Variants in SYNJ2 observed in about 807,000 individuals in gnomAD.
SYNJ2 encodes synaptojanin 2.
SYNJ2 carries 116 observed loss-of-function variants against 141.3 expected under a neutral mutation model. The observed-to-expected ratio is 0.82, with a 90% CI of 0.71 to 0.96. SYNJ2 has a LOEUF of 0.96. Ranked by LOEUF, SYNJ2 falls within the 40% of genes least tolerant of loss-of-function variation. The probability of loss-of-function intolerance (pLI) is 0.00; values close to 1 mark genes in which losing one functional copy is unlikely to be tolerated. For missense variants in SYNJ2, 1,873 were observed against 1,934.8 expected (o/e 0.97, Z 0.60); for synonymous variants, 745 against 777.7 (o/e 0.96, Z 0.70).
intron 1 of SYNJ2, among the ~76,000 whole-genome samples, chr6:157,993,283 T>G (rs1353987347): frequency 6.6e-6 from 1 of 152,232 alleles, no homozygotes; most frequent in Non-Finnish European, 1.5e-5. Context: ...TGACGATCAG[T>G]GATGTTGGGC....
In SYNJ2 at chr6:157,982,933, A is replaced by G. The variant is rs937738555; in HGVS notation, c.127+845A>G. On this transcript the variant is annotated intron_variant, in intron 1 of 26. Coordinates refer to ENST00000355585, the MANE Select transcript of SYNJ2 (RefSeq NM_003898.4). This position sits in a 1 kb window ranked among gnomAD's most constrained non-coding sequence, Gnocchi z 4.0. ...GGTCCCTTGTTTTGTGCTAACCATT[A>G]TAAGGAAAACCTGGGTAGCACCAAA... is the stretch of plus-strand genomic sequence containing the variant. Among the ~76,000 whole-genome samples, 1 of 152,152 alleles carries G rather than the reference A, an allele frequency of 6.6e-6. No individual in the cohort carries two copies. The highest frequency in any genetic ancestry group is 2.4e-5 in the African/African-American group (1 of 41,422).
At chr6:158,055,290 G>A (rs1780801569) in intron 6 of SYNJ2, among the ~76,000 whole-genome samples, 1 of 152,126 alleles carries the variant, frequency 6.6e-6, no homozygotes, top group Non-Finnish European at 1.5e-5. Context: ...CTTGCAATGA[G>A]GCTTCATCTC....
At chr6:158,021,496 C>T (rs1367727600) in intron 2 of SYNJ2, among the ~76,000 whole-genome samples, 1 of 152,148 alleles carries the variant, frequency 6.6e-6, no homozygotes, top group Non-Finnish European at 1.5e-5. Flanking sequence ...GGCCTGGGGA[C>T]GCTGCCACCA....
At chr6:158,087,855 G>A (rs1270968808) in intron 23 of SYNJ2, among the ~76,000 whole-genome samples, 5 of 139,328 alleles carry the variant, frequency 3.6e-5, no homozygotes, top group Non-Finnish European at 7.8e-5. Context: ...CCAGTTTCAT[G>A]TATCTGCAGC....
At position 158,076,719 on chromosome 6, in the gene SYNJ2, C is replaced by A; in HGVS notation, c.2386C>A (p.Arg796Ser). The A allele has an allele frequency of 6.2e-7, 1 of 1,614,192 alleles. No individual in the cohort carries two copies. Among genetic ancestry groups the A allele is most frequent in the Non-Finnish European group, 8.5e-7 (1 of 1,180,034 alleles). Residue 796 changes from arginine to serine, a missense_variant, in exon 17 of 27, where the codon CGC (arginine) becomes AGC (serine). Physicochemically the swap from Arg to Ser is moderately radical, Grantham distance 110. Coordinates refer to ENST00000355585, the MANE Select transcript of SYNJ2 (RefSeq NM_003898.4). ...CGCCTACGATACAAGCGACAAATGCCGCACCCCCGCCTGGACAGACAGGGT... is the reference window on the plus strand; with the variant it reads ...CGCCTACGATACAAGCGACAAATGCAGCACCCCCGCCTGGACAGACAGGGT... ...SAAYDTSDKC[R>S]TPAWTDRVLW... is the part of the protein sequence containing the mutation.
chr6:158,068,670 T>C lies in SYNJ2; in HGVS notation c.1741T>C (p.Phe581Leu). 1.2e-6 allele frequency: 2 copies of C among 1,614,182 alleles called. No individual in the cohort carries two copies. The highest frequency in any genetic ancestry group is 1.7e-6 in the Non-Finnish European group (2 of 1,180,030). The change falls in exon 13 of 27, where the codon TTT becomes CTT. Residue 581 changes from phenylalanine (F) to leucine (L), a missense_variant. Phe to Leu is a conservative substitution (Grantham distance 22). Coordinates refer to ENST00000355585, the MANE Select transcript of SYNJ2 (RefSeq NM_003898.4). ...SQDDSSPADI[F>L]AVGFEEMVEL... ...AGATGACAGCAGCCCAGCTGACATA[T>C]TTGCTGTGGGGTTTGAAGAGATGGT... is the stretch of plus-strand genomic sequence containing the variant.
At chr6:158,008,347 T>C (rs1778147429) in intron 1 of SYNJ2, among the ~76,000 whole-genome samples, 2 of 152,382 alleles carry the variant, frequency 1.3e-5, no homozygotes, top group East Asian at 1.9e-4. Context: ...AATAATGTGA[T>C]GCCTGGAATT....
intron 13 of SYNJ2, among the ~76,000 whole-genome samples, chr6:158,069,131 C>A (rs747638285): frequency 1.3e-5 from 2 of 152,084 alleles, no homozygotes; most frequent in Non-Finnish European, 2.9e-5. Flanking sequence ...GGAAGAGGTA[C>A]TTTCTTCCTG....
At chr6:158,074,510 T>C (rs1025414831) in intron 15 of SYNJ2, 70 bp from the exon 16 acceptor site, 1 of 1,530,718 alleles carries the variant, frequency 6.5e-7, no homozygotes, top group African/African-American at 1.4e-5. Context: ...CCCAGTGAGC[T>C]TGTTTTTCTC....
In SYNJ2 at chr6:157,989,808, G is replaced by C. The variant is rs138083049; in HGVS notation, c.127+7720G>C. ...CTGGCAAACCCAGAACGTTAGACTG[G>C]GTCGGCTCCAAGATGCCCCTGGGTT... On this transcript the variant is annotated intron_variant, in intron 1 of 26. Transcript: ENST00000355585. Among the ~76,000 whole-genome samples, 71 of 152,302 alleles carry C rather than the reference G, an allele frequency of 4.7e-4. 1 individual carries two copies. In the East Asian group the frequency reaches 0.012, roughly 27 times the overall value.
intron 1 of SYNJ2, among the ~76,000 whole-genome samples, chr6:158,009,034 G>A (rs773705935): frequency 9.2e-5 from 14 of 152,122 alleles, no homozygotes; most frequent in East Asian, 1.9e-4. Flanking sequence ...ACCTTTGCAC[G>A]TGCCCTTCTG....
intron 1 of SYNJ2, among the ~76,000 whole-genome samples, chr6:157,997,541 G>A (rs138403850): frequency 1.3e-5 from 2 of 152,258 alleles, no homozygotes; most frequent in East Asian, 3.9e-4. Flanking sequence ...GAAAAGCAAG[G>A]GAAGATGCTC....
chr6:158,012,703 T>C (rs1156317784), intron 1 of SYNJ2, among the ~76,000 whole-genome samples: 1 of 152,226 alleles, frequency 6.6e-6, no homozygotes, highest in African/African-American at 2.4e-5. Flanking sequence ...GAGACTAATA[T>C]GCTATTTTGC....
chr6:158,055,043 A>G lies in SYNJ2; in HGVS notation c.857+15A>G, dbSNP rs1780789058. ...GCTTTCGACAGGTAGGGATTGTCTG[A>G]CACCATCCAAGCCTGTCATTGTCAT... On this transcript the variant is annotated intron_variant, in intron 6 of 26. Transcript: ENST00000355585. The G allele has an allele frequency of 6.2e-7, 1 of 1,613,012 alleles. No homozygotes were observed. The highest frequency in any genetic ancestry group is 1.3e-5 in the African/African-American group (1 of 74,932).
intron 2 of SYNJ2, 23 bp downstream of exon 2, chr6:158,017,313 AGCAG>A: frequency 6.3e-7 from 1 of 1,597,684 alleles, no homozygotes; most frequent in African/African-American, 1.3e-5. Flanking sequence ...TCGCTGGAGG[AGCAG>A]GCGCCAGGCT....
intron 7 of SYNJ2, among the ~76,000 whole-genome samples, chr6:158,060,350 C>T (rs546742059): frequency 3.9e-5 from 6 of 152,312 alleles, no homozygotes; most frequent in African/African-American, 1.4e-4. Flanking sequence ...GCCCCCGCCC[C>T]CTGCTCCCCA....
chr6:157,998,588 CTA>C (rs747192595), intron 1 of SYNJ2, among the ~76,000 whole-genome samples: 20 of 152,072 alleles, frequency 1.3e-4, no homozygotes, highest in Non-Finnish European at 1.6e-4. Flanking sequence ...AGTGAGAGTC[CTA>C]TGTTTTATCA....
intron 7 of SYNJ2, among the ~76,000 whole-genome samples, chr6:158,061,561 G>A (rs544298073): frequency 1.3e-5 from 2 of 152,290 alleles, no homozygotes; most frequent in South Asian, 4.1e-4. Context: ...GCAGGATGGG[G>A]CCGGTTACTA....
At chr6:158,009,473 G>A (rs946757770) in intron 1 of SYNJ2, among the ~76,000 whole-genome samples, 6 of 152,232 alleles carry the variant, frequency 3.9e-5, no homozygotes, top group Non-Finnish European at 7.3e-5. Context: ...CAGAAGGCAC[G>A]AAGATGTGTC....
Sources: gnomAD v4.1 joint callset for allele counts (sites outside exome capture counted in the v4.1 genomes callset) on GRCh38, gnomAD v4.1.1 for gene constraint, Gnocchi (gnomAD v3.1) non-coding constraint, MANE v1.5 for transcripts, NCBI Gene and HGNC (gene_info 2026-07-23, HGNC 2026-07-21) for gene names.